The following RIMS2 variants were observed in gnomAD, a reference collection of about 807,000 sequenced individuals.
The protein encoded by RIMS2 is regulating synaptic membrane exocytosis 2, also known as regulating synaptic membrane exocytosis protein 2.
A neutral mutation model predicts 174.4 loss-of-function variants in RIMS2; 59 were observed. The ratio of observed to expected loss-of-function variants is 0.34; its 90% CI spans 0.27 to 0.42. RIMS2 has a LOEUF of 0.42. Among genes scored for constraint, RIMS2 ranks in the 10% least tolerant of loss-of-function variants. The pLI is 1.00. For synonymous variants in RIMS2, 606 were observed against 572.5 expected (o/e 1.06, Z -0.84); for missense variants, 1,620 against 1,666.3 (o/e 0.97, Z 0.48).
intron 13 of RIMS2, among the ~76,000 whole-genome samples, chr8:103,941,622 T>A (rs2082560569): frequency 6.6e-6 from 1 of 151,878 alleles, no homozygotes; most frequent in African/African-American, 2.4e-5. Context: ...CACAACCTCC[T>A]AAAAAAAATA....
intron 2 of RIMS2, among the ~76,000 whole-genome samples, chr8:103,753,994 T>C (rs2097936238): frequency 6.6e-6 from 1 of 152,216 alleles, no homozygotes; most frequent in Non-Finnish European, 1.5e-5. Flanking sequence ...TTGCTCTTGC[T>C]ACTCTAGTTC....
intron 9 of RIMS2, among the ~76,000 whole-genome samples, chr8:103,919,844 A>G (rs925640598): frequency 7.9e-5 from 12 of 152,134 alleles, no homozygotes; most frequent in African/African-American, 2.7e-4. Flanking sequence ...TAATATCATG[A>G]TCACATAAAA....
chr8:103,963,262 C>A (rs1057466913), intron 15 of RIMS2, among the ~76,000 whole-genome samples: 18 of 152,010 alleles, frequency 1.2e-4, no homozygotes, highest in African/African-American at 4.3e-4. Context: ...AAAATGCGCA[C>A]CCCTACCTCT....
At chr8:103,927,855 G>A (rs1260639444) in exon 11 of RIMS2, 7 of 1,607,986 alleles carry the variant, frequency 4.4e-6, no homozygotes, top group Non-Finnish European at 5.1e-6. Flanking sequence ...CAAAGCCTTA[G>A]TAGAAGAACA....
intron 3 of RIMS2, among the ~76,000 whole-genome samples, chr8:103,854,340 A>G (rs1360347625): frequency 6.6e-6 from 1 of 151,876 alleles, no homozygotes; most frequent in Non-Finnish European, 1.5e-5. Flanking sequence ...TCCTATTTGG[A>G]TATCTTTTAT....
At position 103,517,314 on chromosome 8, in the gene RIMS2, C is replaced by G. The variant is rs554148508; in HGVS notation, c.176+16252C>G. Among the ~76,000 whole-genome samples the G allele has an allele frequency of 1.1e-4, 16 of 152,196 alleles. 1 individual carries two copies. The highest frequency in any genetic ancestry group is 7.2e-4 in the Admixed American group (11 of 15,284). ...CATTTTAGACATATGCTGTGAAAAG[C>G]ATTTAGACACGGACTGTGAAAAGCA... On this transcript the variant is annotated intron_variant, in intron 1 of 23. Transcript: ENST00000504942.
chr8:103,557,095 T>A (rs888275811), intron 1 of RIMS2, among the ~76,000 whole-genome samples: 2 of 152,128 alleles, frequency 1.3e-5, no homozygotes, highest in Non-Finnish European at 2.9e-5. Context: ...TTCGGGAGAA[T>A]TAAATGAAAA....
chr8:103,768,760 C>G, intron 3 of RIMS2: 1 of 749,566 alleles, frequency 1.3e-6, no homozygotes, highest in Non-Finnish European at 2.5e-6. Flanking sequence ...TGTAAGAAAG[C>G]CTTTAAACAA....
intron 1 of RIMS2, among the ~76,000 whole-genome samples, chr8:103,566,771 A>G (rs2092388835): frequency 6.6e-6 from 1 of 151,614 alleles, no homozygotes; most frequent in Non-Finnish European, 1.5e-5. Context: ...CTAACCCTTC[A>G]TTTTCCTGGC....
At chr8:103,608,800 C>T (rs912124003) in intron 1 of RIMS2, among the ~76,000 whole-genome samples, 2 of 152,226 alleles carry the variant, frequency 1.3e-5, no homozygotes, top group Non-Finnish European at 2.9e-5. Context: ...AAGGGAACTC[C>T]CTGATCCGTT....
chr8:103,708,623 A>G (rs138192231), intron 2 of RIMS2, among the ~76,000 whole-genome samples: 48 of 152,230 alleles, frequency 3.2e-4, no homozygotes, highest in African/African-American at 1.1e-3. Context: ...CTCTCTTTCA[A>G]TATTTTAAAT....
rs181643325 is a variant in RIMS2 at position 103,556,466 on chromosome 8, G to A, written c.176+55404G>A. 1.6e-4 allele frequency among the ~76,000 whole-genome samples: 25 copies of A among 152,232 alleles called. No homozygotes were observed. In the East Asian group the frequency reaches 4.1e-3, roughly 25 times the overall value. ...CTTATACTTTCAGTGATCCCATAAT[G>A]TAGAGGAAATAATATTATTTTTACA... On this transcript the variant is annotated intron_variant, in intron 1 of 23. Coordinates refer to ENST00000504942, the Ensembl canonical transcript of RIMS2.
chr8:103,706,128 G>T (rs2097222078), intron 2 of RIMS2, among the ~76,000 whole-genome samples: 1 of 151,868 alleles, frequency 6.6e-6, no homozygotes, highest in South Asian at 2.1e-4. Flanking sequence ...TATAGTTATA[G>T]AAAGTTATTT....
intron 19 of RIMS2, among the ~76,000 whole-genome samples, chr8:104,018,630 A>G (rs1287304275): frequency 3.3e-5 from 5 of 152,206 alleles, no homozygotes; most frequent in Admixed American, 3.3e-4. Context: ...AGTACCTACT[A>G]GAAAACTATA....
At chr8:103,989,635 A>G (rs898426689) in intron 17 of RIMS2, among the ~76,000 whole-genome samples, 3 of 152,176 alleles carry the variant, frequency 2.0e-5, no homozygotes, top group African/African-American at 7.2e-5. Flanking sequence ...AAACAAAATT[A>G]TCTTTCTCCT....
exon 4 of RIMS2, chr8:103,885,822 G>T: frequency 1.9e-6 from 3 of 1,612,846 alleles, no homozygotes; most frequent in Non-Finnish European, 2.5e-6. Flanking sequence ...GAAAATCAGC[G>T]ATCTTATTCA....
At chr8:104,043,651 A>T (rs544816672) in intron 19 of RIMS2, among the ~76,000 whole-genome samples, 4 of 151,806 alleles carry the variant, frequency 2.6e-5, no homozygotes, top group Admixed American at 2.0e-4. Context: ...CTAAGGCAAT[A>T]GAAGCAAACT....
chr8:103,614,501 T>C (rs1343956596), intron 1 of RIMS2, among the ~76,000 whole-genome samples: 1 of 152,260 alleles, frequency 6.6e-6, no homozygotes, highest in East Asian at 1.9e-4. Context: ...GTTACTGTGA[T>C]TGCTCACTAG....
At position 104,042,890 on chromosome 8, in the gene RIMS2, A is replaced by G. The variant is rs186872936; in HGVS notation, c.3334+28275A>G. On this transcript the variant is annotated intron_variant, in intron 19 of 23. Transcript: ENST00000504942. Reference sequence around the variant, plus strand: ...GAATTGTCAGTAGCATATGAAGAGTAATAAGAGAGACAAGAATCAAAATTT... The same window carrying G: ...GAATTGTCAGTAGCATATGAAGAGTGATAAGAGAGACAAGAATCAAAATTT... 4.1e-4 allele frequency among the ~76,000 whole-genome samples: 62 copies of G among 151,696 alleles called. No individual in the cohort carries two copies. In the East Asian group the frequency reaches 0.012, roughly 29 times the overall value.
Sources: gnomAD v4.1 joint callset for allele counts (sites outside exome capture counted in the v4.1 genomes callset) on GRCh38, gnomAD v4.1.1 for gene constraint, MANE v1.5 for transcripts, NCBI Gene and HGNC (gene_info 2026-07-23, HGNC 2026-07-21) for gene names.